Variants in CSMD1 observed in about 807,000 individuals in gnomAD.
CSMD1 encodes CUB and Sushi multiple domains 1, also known as CUB and sushi domain-containing protein 1.
Under a neutral mutation model 417.5 loss-of-function variants are expected in CSMD1, and 213 were observed. The ratio of observed to expected loss-of-function variants is 0.51; its 90% CI spans 0.46 to 0.57. CSMD1 has a LOEUF of 0.57. Among genes scored for constraint, CSMD1 ranks in the 20% least tolerant of loss-of-function variants. CSMD1 has a pLI of 0.00. For missense variants in CSMD1, 6,923 were observed against 4,529.7 expected (o/e 1.53, Z -15.17); for synonymous variants, 2,862 against 1,736.8 (o/e 1.65, Z -16.11).
chr8:3,908,410 C>G (rs1267785466), intron 5 of CSMD1, among the ~76,000 whole-genome samples: 2 of 152,148 alleles, frequency 1.3e-5, no homozygotes, highest in Non-Finnish European at 2.9e-5. Flanking sequence ...CATCAGCATT[C>G]TGTGGGAATG....
intron 5 of CSMD1, among the ~76,000 whole-genome samples, chr8:3,945,985 GT>G (rs1811197458): frequency 6.6e-6 from 1 of 152,088 alleles, no homozygotes; most frequent in Non-Finnish European, 1.5e-5. Context: ...GTTCCAGACC[GT>G]ATTTAAAGCA....
chr8:3,929,086 A>C (rs1441297060), intron 5 of CSMD1, among the ~76,000 whole-genome samples: 4 of 150,460 alleles, frequency 2.7e-5, no homozygotes, highest in African/African-American at 7.4e-5. Flanking sequence ...CAGAGAATAA[A>C]GAAAGACTTG....
intron 5 of CSMD1, among the ~76,000 whole-genome samples, chr8:3,764,425 G>A (rs1446929512): frequency 6.6e-6 from 1 of 152,162 alleles, no homozygotes; most frequent in Non-Finnish European, 1.5e-5. Flanking sequence ...ACGTATGAGT[G>A]TGAGACACCT....
chr8:3,081,860 T>C (rs375949331), intron 49 of CSMD1, among the ~76,000 whole-genome samples: 3 of 152,330 alleles, frequency 2.0e-5, no homozygotes, highest in East Asian at 1.9e-4. Flanking sequence ...TGGTAATTTT[T>C]AAAACTCCAT....
intron 11 of CSMD1, among the ~76,000 whole-genome samples, chr8:3,488,605 G>A (rs987022695): frequency 6.6e-6 from 1 of 152,164 alleles, no homozygotes; most frequent in Non-Finnish European, 1.5e-5. Context: ...CTCAAGGCTA[G>A]GACAATGGCT....
rs1268133853 is a variant in CSMD1 at position 2,937,292 on chromosome 8, G to C, written c.*1293C>G. The C allele has an allele frequency of 2.6e-5, 4 of 152,144 alleles. No homozygotes were observed. The highest frequency in any genetic ancestry group is 4.8e-5 in the African/African-American group (2 of 41,426). 9.4% of individuals were successfully genotyped at this position (152,144 alleles called of 1,614,324 possible). On this transcript the variant is annotated 3_prime_UTR_variant, in exon 70 of 70. Coordinates refer to ENST00000635120, the MANE Select transcript of CSMD1 (RefSeq NM_033225.6). Reference sequence around the variant, plus strand: ...AAATGAATGTATAAAATATATCATTGTGAGAGGAGAGTGTGTGTACTTTTT... The same window carrying C: ...AAATGAATGTATAAAATATATCATTCTGAGAGGAGAGTGTGTGTACTTTTT...
intron 1 of CSMD1, among the ~76,000 whole-genome samples, chr8:4,662,759 G>A (rs759935234): frequency 6.6e-6 from 1 of 152,160 alleles, no homozygotes; most frequent in African/African-American, 2.4e-5. Flanking sequence ...CGTTCCTATG[G>A]ATGATGCTCA....
chr8:3,924,395 C>G (rs1345604620), intron 5 of CSMD1, among the ~76,000 whole-genome samples: 2 of 152,140 alleles, frequency 1.3e-5, no homozygotes, highest in Non-Finnish European at 1.5e-5. Context: ...CTTCATATAC[C>G]TAGACATTCA....
chr8:3,537,640 G>C (rs879300193), intron 10 of CSMD1, among the ~76,000 whole-genome samples: 3 of 152,006 alleles, frequency 2.0e-5, no homozygotes, highest in Non-Finnish European at 2.9e-5. Context: ...AATTTATGTA[G>C]CATCATTTAT....
At chr8:4,406,594 C>T (rs1314821148) in intron 3 of CSMD1, among the ~76,000 whole-genome samples, 1 of 152,106 alleles carries the variant, frequency 6.6e-6, no homozygotes, top group Non-Finnish European at 1.5e-5. Context: ...ACAGATAAGA[C>T]ACCCACACCA....
At chr8:4,557,872 G>T (rs1798166211) in intron 2 of CSMD1, among the ~76,000 whole-genome samples, 1 of 152,116 alleles carries the variant, frequency 6.6e-6, no homozygotes, top group Non-Finnish European at 1.5e-5. Context: ...AAATGAAATG[G>T]GAGTCGGACA....
chr8:4,834,302 A>C (rs987580930), intron 1 of CSMD1, among the ~76,000 whole-genome samples: 1 of 152,212 alleles, frequency 6.6e-6, no homozygotes, highest in South Asian at 2.1e-4. Flanking sequence ...TACACGTTAC[A>C]TACTGGGAAC....
chr8:4,022,799 G>C lies in CSMD1; in HGVS notation c.610+9106C>G, dbSNP rs554396274. 2.0e-5 allele frequency among the ~76,000 whole-genome samples: 3 copies of C among 152,280 alleles called. No homozygotes were observed. The East Asian group carries it at 5.8e-4, about 29-fold the overall frequency. ...ATTGTATTCCACATATTAAGCAATC[G>C]TGTAAGTTAGAGAAACAATTCAGTG... On this transcript the variant is annotated intron_variant, in intron 4 of 69. Transcript: ENST00000635120.
chr8:4,944,913 A>C (rs992751236), intron 1 of CSMD1, among the ~76,000 whole-genome samples: 4 of 152,194 alleles, frequency 2.6e-5, no homozygotes, highest in Non-Finnish European at 5.9e-5. Flanking sequence ...GATATACTCA[A>C]AACAGTCGAC....
chr8:4,714,351 G>A (rs373131314), intron 1 of CSMD1, among the ~76,000 whole-genome samples: 1 of 152,014 alleles, frequency 6.6e-6, no homozygotes, highest in African/African-American at 2.4e-5. Context: ...GGGTCAGGGG[G>A]TCAAGAATTT....
At chr8:3,270,925 T>G (rs1290962274) in intron 26 of CSMD1, among the ~76,000 whole-genome samples, 1 of 138,392 alleles carries the variant, frequency 7.2e-6, no homozygotes, top group African/African-American at 2.8e-5. Context: ...TTTTTTTTAA[T>G]TTTTTATTTA....
In CSMD1 at chr8:3,052,337, G is replaced by A. The variant is rs563705339; in HGVS notation, c.7660+125C>T. The A allele has an allele frequency of 7.5e-5, 49 of 654,284 alleles. No homozygotes were observed. The East Asian group carries it at 1.4e-3, about 18-fold the overall frequency. The allele number at this position is 654,284 out of a possible 1,614,324, so 40.5% of individuals were successfully genotyped here. On this transcript the variant is annotated intron_variant, in intron 50 of 69. Coordinates refer to ENST00000635120, the MANE Select transcript of CSMD1 (RefSeq NM_033225.6). ...ACATTGGTTTTAATATTGCTATGAT[G>A]AAAGACACCAAATCCTCACAAGGTG...
intron 26 of CSMD1, among the ~76,000 whole-genome samples, chr8:3,268,522 C>G (rs890375188): frequency 1.3e-5 from 2 of 151,874 alleles, no homozygotes; most frequent in Non-Finnish European, 2.9e-5. Flanking sequence ...ATTTCCTGAC[C>G]TCATCCGCCC....
chr8:3,668,917 C>T (rs1180226368), intron 7 of CSMD1, among the ~76,000 whole-genome samples: 7 of 152,182 alleles, frequency 4.6e-5, no homozygotes, highest in Non-Finnish European at 8.8e-5. Flanking sequence ...TCCCCTCAGC[C>T]ATAGCTCTTT....
Sources: allele counts gnomAD v4.1 joint callset (sites outside exome capture counted in the v4.1 genomes callset), GRCh38; gene constraint gnomAD v4.1.1; transcripts MANE v1.5; gene names NCBI Gene and HGNC (gene_info 2026-07-23, HGNC 2026-07-21).